The following SLC6A17 variants were observed in gnomAD, a reference collection of about 807,000 sequenced individuals.
SLC6A17 encodes sodium-dependent neutral amino acid transporter SLC6A17.
In SLC6A17, 21 loss-of-function variants were observed where a neutral mutation model predicts 64.5. The observed-to-expected ratio is 0.33, with a 90% confidence interval of 0.23 to 0.47. The LOEUF (loss-of-function observed/expected upper bound fraction) is 0.47, where lower values mean the gene tolerates loss of function less well. Among genes scored for constraint, SLC6A17 ranks in the 20% least tolerant of loss-of-function variants. The pLI is 1.00. For synonymous variants in SLC6A17, 372 were observed against 399.5 expected, an observed-to-expected ratio of 0.93 and a Z score of 0.82; for missense variants, 682 against 963.2, an observed-to-expected ratio of 0.71 and a Z score of 3.86.
chr1:110,195,796 C>T (rs746993520), intron 10 of SLC6A17, 51 bp downstream of exon 10: 2 of 1,606,644 alleles, frequency 1.2e-6, no homozygotes, highest in South Asian at 1.1e-5. Context: ...TCTGTCCTAT[C>T]ATGACTCCCT....
At chr1:110,151,174 C>A (rs1396711639) in intron 1 of SLC6A17, among the ~76,000 whole-genome samples, 1 of 152,222 alleles carries the variant, frequency 6.6e-6, no homozygotes. Context: ...CCCAAGAACT[C>A]CGGAGGAAAT....
chr1:110,154,785 T>A (rs1655712224), intron 1 of SLC6A17, among the ~76,000 whole-genome samples: 1 of 152,168 alleles, frequency 6.6e-6, no homozygotes, highest in African/African-American at 2.4e-5. Flanking sequence ...GTGGGTCAGA[T>A]TTCTCTGCTG....
chr1:110,173,908 T>G (rs1570988824), intron 3 of SLC6A17, 65 bp from the exon 4 acceptor site: 1 of 1,515,162 alleles, frequency 6.6e-7, no homozygotes. Flanking sequence ...GGGCCTCGGG[T>G]GGAGCGTGGG....
At chr1:110,180,198 C>G (rs1656485217) in intron 6 of SLC6A17, among the ~76,000 whole-genome samples, 2 of 152,240 alleles carry the variant, frequency 1.3e-5, no homozygotes, top group African/African-American at 4.8e-5. Context: ...ACATCCCATG[C>G]TCTCCAGCTG....
intron 6 of SLC6A17, among the ~76,000 whole-genome samples, chr1:110,180,535 G>A (rs1457940150): frequency 6.6e-6 from 1 of 152,130 alleles, no homozygotes; most frequent in Non-Finnish European, 1.5e-5. Flanking sequence ...CTGGGGTGAG[G>A]TTCCTATTTA....
chr1:110,171,930 C>A, intron 2 of SLC6A17, 130 bp from the exon 3 acceptor site: 1 of 1,207,396 alleles, frequency 8.3e-7, no homozygotes, highest in Non-Finnish European at 1.2e-6. Context: ...CATGGAGGAG[C>A]ACCGGGACTG....
intron 6 of SLC6A17, among the ~76,000 whole-genome samples, chr1:110,184,464 C>T (rs1193227858): frequency 2.6e-5 from 4 of 152,226 alleles, no homozygotes; most frequent in Non-Finnish European, 5.9e-5. Flanking sequence ...TTTGTGTGCA[C>T]TTTGCATATA....
Position 110,197,592 on chromosome 1 carries a change from A to G in SLC6A17, c.1808A>G (p.Lys603Arg). ...CCCCCGGGCTACAGCGCCTGGATCA[A>G]GGAGGAGGTGAGGGGTGGGGCCCCA... ...VTPPGYSAWIKEEAAERYLYF... is the reference protein window; with the variant it reads ...VTPPGYSAWIREEAAERYLYF... The change falls in exon 11 of 12, where the codon AAG (lysine) becomes AGG (arginine). Residue 603 changes from lysine to arginine, a missense_variant. Lys to Arg is a conservative substitution (Grantham distance 26). Around this residue, in one of 3 missense-constraint regions of SLC6A17, gnomAD observed 264 missense variants for 339.5 expected, o/e 0.78. Coordinates refer to ENST00000331565, the MANE Select transcript of SLC6A17 (RefSeq NM_001010898.4). 1.9e-6 allele frequency: 3 copies of G among 1,597,632 alleles called. No homozygotes were observed. The South Asian group carries it at 3.3e-5, about 18-fold the overall frequency.
intron 1 of SLC6A17, among the ~76,000 whole-genome samples, chr1:110,152,072 T>C (rs1655625142): frequency 6.6e-6 from 1 of 152,230 alleles, no homozygotes; most frequent in Non-Finnish European, 1.5e-5. Context: ...CACTGATGTC[T>C]GGAGAACAAG....
At chr1:110,182,520 CA>C (rs1170549043) in intron 6 of SLC6A17, among the ~76,000 whole-genome samples, 1 of 151,354 alleles carries the variant, frequency 6.6e-6, no homozygotes, top group Non-Finnish European at 1.5e-5. Context: ...AGAGAATGAA[CA>C]AAGACAGAGA....
intron 1 of SLC6A17, among the ~76,000 whole-genome samples, chr1:110,151,265 C>A (rs1163857205): frequency 6.6e-6 from 1 of 152,332 alleles, no homozygotes; most frequent in Middle Eastern, 3.4e-3. Flanking sequence ...AACTGCGCGC[C>A]CAGGGCGCAG....
At chr1:110,152,413 G>C (rs1228644392) in intron 1 of SLC6A17, among the ~76,000 whole-genome samples, 1 of 152,254 alleles carries the variant, frequency 6.6e-6, no homozygotes, top group African/African-American at 2.4e-5. Flanking sequence ...GTCACACACA[G>C]AGTCGTGTGT....
intron 1 of SLC6A17, among the ~76,000 whole-genome samples, chr1:110,153,466 T>C (rs1164468712): frequency 6.6e-6 from 1 of 151,362 alleles, no homozygotes; most frequent in African/African-American, 2.4e-5. Context: ...GGATCCCCAG[T>C]GCAGCAAGAA....
intron 3 of SLC6A17, among the ~76,000 whole-genome samples, chr1:110,173,377 T>C (rs1035978572): frequency 4.6e-5 from 7 of 152,218 alleles, no homozygotes; most frequent in African/African-American, 1.4e-4. Flanking sequence ...AACATTGCTT[T>C]CAAAGAAGCC....
intron 1 of SLC6A17, among the ~76,000 whole-genome samples, chr1:110,162,554 G>A (rs546413814): frequency 6.6e-6 from 1 of 152,274 alleles, no homozygotes; most frequent in Non-Finnish European, 1.5e-5. Flanking sequence ...GAGATACATG[G>A]GTACGGGAAG....
rs758912076 is a variant in SLC6A17, at chr1:110,192,051, G to C, written c.944G>C (p.Gly315Ala). ...TTTGCCTTGGGCCTGGGCTTTGGTG[G>C]TGTCATTGCCTTCTCCAGCTACAAT... ...VFFALGLGFG[G>A]VIAFSSYNKQ... Residue 315 changes from glycine (G) to alanine (A), a missense_variant, in exon 7 of 12, where the codon GGT (glycine) becomes GCT (alanine). Physicochemically the swap from Gly to Ala is moderately conservative, Grantham distance 60 (BLOSUM62 0). Around this residue, in one of 3 missense-constraint regions of SLC6A17, gnomAD observed 415 missense variants for 603.8 expected, o/e 0.69. Transcript: ENST00000331565. This position sits in a 1 kb window ranked among gnomAD's most constrained non-coding sequence, Gnocchi z 4.3. 6.2e-7 allele frequency: 1 copy of C among 1,614,176 alleles called. No individual in the cohort carries two copies. The highest frequency in any genetic ancestry group is 8.5e-7 in the Non-Finnish European group (1 of 1,180,020).
intron 1 of SLC6A17, among the ~76,000 whole-genome samples, chr1:110,156,837 T>C (rs1250792686): frequency 6.6e-6 from 1 of 152,182 alleles, no homozygotes; most frequent in African/African-American, 2.4e-5. Context: ...TCACTATTCC[T>C]TCAAGAGCTC....
chr1:110,181,237 C>T (rs960453515), intron 6 of SLC6A17, among the ~76,000 whole-genome samples: 5 of 152,166 alleles, frequency 3.3e-5, no homozygotes, highest in African/African-American at 1.2e-4. Flanking sequence ...TTTTAACCAC[C>T]AAAATGTTCA....
At chr1:110,154,400 C>A (rs959185198) in intron 1 of SLC6A17, among the ~76,000 whole-genome samples, 1 of 152,164 alleles carries the variant, frequency 6.6e-6, no homozygotes, top group African/African-American at 2.4e-5. Context: ...AGGCATTTAC[C>A]CAAACAAGAT....
Sources: gnomAD v4.1 joint callset for allele counts (sites outside exome capture counted in the v4.1 genomes callset) on GRCh38, gnomAD v4.1.1 for gene constraint, gnomAD v4.1.1 regional missense constraint, Gnocchi (gnomAD v3.1) non-coding constraint, MANE v1.5 for transcripts, NCBI Gene and HGNC (gene_info 2026-07-23, HGNC 2026-07-21) for gene names.